Variants in STK32B observed in about 807,000 individuals in gnomAD.
The protein encoded by STK32B is serine/threonine-protein kinase 32B.
A neutral mutation model predicts 52.6 loss-of-function variants in STK32B; 43 were observed. The ratio of observed to expected loss-of-function variants is 0.82; its 90% CI spans 0.64 to 1.05. The LOEUF (loss-of-function observed/expected upper bound fraction) is 1.05, where lower values mean the gene tolerates loss of function less well. Among genes scored for constraint, STK32B ranks in the 50% least tolerant of loss-of-function variants. The pLI, the probability that STK32B is intolerant of heterozygous loss-of-function variation, is 0.00. For synonymous variants in STK32B, 238 were observed against 204.3 expected (o/e 1.17, Z -1.41); for missense variants, 621 against 534.6 (o/e 1.16, Z -1.59).
intron 1 of STK32B, among the ~76,000 whole-genome samples, chr4:5,102,709 T>TG (rs1560152621): frequency 1.3e-5 from 2 of 150,974 alleles, no homozygotes; most frequent in East Asian, 4.0e-4. Context: ...TTTTTTTTTT[T>TG]GTTTTTAATT....
intron 3 of STK32B, among the ~76,000 whole-genome samples, chr4:5,324,768 T>TAC (rs1029368016): frequency 6.6e-6 from 1 of 152,182 alleles, no homozygotes; most frequent in African/African-American, 2.4e-5. Context: ...ACAGAGGTGG[T>TAC]ACACCAGGAA....
intron 2 of STK32B, among the ~76,000 whole-genome samples, chr4:5,159,215 C>T (rs979959043): frequency 4.6e-5 from 7 of 152,158 alleles, no homozygotes; most frequent in Admixed American, 3.3e-4. Context: ...TGCAGTCTCT[C>T]TGTGTACGCT....
At chr4:5,454,638 G>A (rs1716339324) in intron 7 of STK32B, among the ~76,000 whole-genome samples, 1 of 152,076 alleles carries the variant, frequency 6.6e-6, no homozygotes, top group African/African-American at 2.4e-5. Flanking sequence ...AGTGGTCAGA[G>A]GTGAGCCTTG....
chr4:5,124,853 T>C (rs1026784403), intron 1 of STK32B, among the ~76,000 whole-genome samples: 4 of 152,210 alleles, frequency 2.6e-5, no homozygotes, highest in Non-Finnish European at 5.9e-5. Context: ...AATGTTAAGA[T>C]GGCCCGTCAT....
chr4:5,489,430 C>T (rs1490892196), intron 11 of STK32B, among the ~76,000 whole-genome samples: 5 of 152,024 alleles, frequency 3.3e-5, no homozygotes, highest in East Asian at 1.9e-4. Flanking sequence ...TTAATTAATT[C>T]TATTCATCAA....
At chr4:5,053,957 C>T (rs1347012634) in intron 1 of STK32B, among the ~76,000 whole-genome samples, 2 of 147,416 alleles carry the variant, frequency 1.4e-5, no homozygotes, top group Admixed American at 6.7e-5. Flanking sequence ...CGAGCCTGGG[C>T]ACCAAGAGTG....
intron 1 of STK32B, among the ~76,000 whole-genome samples, chr4:5,132,731 C>A (rs950903736): frequency 5.3e-4 from 81 of 152,016 alleles, no homozygotes; most frequent in African/African-American, 1.9e-3. Flanking sequence ...AAGTATATGG[C>A]CATTTGTTAT....
intron 7 of STK32B, among the ~76,000 whole-genome samples, chr4:5,450,758 A>G (rs1403199837): frequency 6.6e-6 from 1 of 151,382 alleles, no homozygotes; most frequent in Non-Finnish European, 1.5e-5. Flanking sequence ...ACCCAGCTCC[A>G]AGACTGATGA....
chr4:5,370,180 A>C (rs1472803705), intron 4 of STK32B, among the ~76,000 whole-genome samples: 1 of 152,170 alleles, frequency 6.6e-6, no homozygotes, highest in Non-Finnish European at 1.5e-5. Flanking sequence ...CGACCCTCAA[A>C]GAGTATATTA....
chr4:5,495,573 A>C (rs567075892), intron 11 of STK32B, among the ~76,000 whole-genome samples: 1 of 151,880 alleles, frequency 6.6e-6, no homozygotes, highest in Non-Finnish European at 1.5e-5. Flanking sequence ...TCTTCTCTCA[A>C]CTCGTCAAAG....
intron 4 of STK32B, among the ~76,000 whole-genome samples, chr4:5,353,553 A>T (rs921962334): frequency 3.3e-5 from 5 of 151,904 alleles, no homozygotes; most frequent in Non-Finnish European, 5.9e-5. Flanking sequence ...GTAAAAAAAA[A>T]AAATAAAAAT....
At chr4:5,246,363 A>G (rs1725451539) in intron 3 of STK32B, among the ~76,000 whole-genome samples, 1 of 151,974 alleles carries the variant, frequency 6.6e-6, no homozygotes, top group African/African-American at 2.4e-5. Context: ...AGTTGATCGC[A>G]TTGGTTACTG....
At chr4:5,203,453 C>T (rs1484018023) in intron 3 of STK32B, among the ~76,000 whole-genome samples, 1 of 152,130 alleles carries the variant, frequency 6.6e-6, no homozygotes, top group African/African-American at 2.4e-5. Flanking sequence ...AAGCAGCTGA[C>T]CACCCATTTC....
chr4:5,239,173 A>G (rs1004613886), intron 3 of STK32B, among the ~76,000 whole-genome samples: 2 of 152,014 alleles, frequency 1.3e-5, no homozygotes, highest in African/African-American at 4.8e-5. Context: ...GAGAAGGGGG[A>G]CAGGAGACAG....
chr4:5,106,578 T>G (rs2108798904), intron 1 of STK32B, among the ~76,000 whole-genome samples: 1 of 152,326 alleles, frequency 6.6e-6, no homozygotes, highest in Admixed American at 6.5e-5. Context: ...TTACTTCATG[T>G]CATTCAGTCC....
chr4:5,240,868 G>T (rs949259150), intron 3 of STK32B, among the ~76,000 whole-genome samples: 4 of 152,018 alleles, frequency 2.6e-5, no homozygotes, highest in Non-Finnish European at 5.9e-5. Context: ...TTCCATATTT[G>T]TGTGTATCTG....
At chr4:5,483,421 A>T (rs1466652273) in intron 11 of STK32B, among the ~76,000 whole-genome samples, 1 of 151,894 alleles carries the variant, frequency 6.6e-6, no homozygotes, top group African/African-American at 2.4e-5. Flanking sequence ...TTTCTGTGGG[A>T]TCGGTGGTGA....
At chr4:5,457,201 G>GTTT (rs869027028) in intron 8 of STK32B, among the ~76,000 whole-genome samples, 2 of 139,206 alleles carry the variant, frequency 1.4e-5, no homozygotes, top group African/African-American at 5.7e-5. Context: ...TGCATGTGGG[G>GTTT]TTTTTTTTTT....
intron 3 of STK32B, among the ~76,000 whole-genome samples, chr4:5,249,149 C>A (rs1184164537): frequency 6.6e-6 from 1 of 152,202 alleles, no homozygotes; most frequent in African/African-American, 2.4e-5. Context: ...CACCATTGCT[C>A]TCCTGCTGCT....
Sources: allele counts gnomAD v4.1 joint callset (sites outside exome capture counted in the v4.1 genomes callset), GRCh38; gene constraint gnomAD v4.1.1; transcripts MANE v1.5; gene names NCBI Gene and HGNC (gene_info 2026-07-23, HGNC 2026-07-21).